Variants in IL1RAPL2 observed in about 807,000 individuals in gnomAD.
IL1RAPL2 encodes X-linked interleukin-1 receptor accessory protein-like 2.
A neutral mutation model predicts 44.1 loss-of-function variants in IL1RAPL2; 3 were observed. The observed-to-expected ratio is 0.07, with a 90% CI of 0.03 to 0.18. IL1RAPL2 has a LOEUF of 0.18. Ranked by LOEUF, IL1RAPL2 falls within the 10% of genes least tolerant of loss-of-function variation. The probability of loss-of-function intolerance (pLI) is 1.00; values close to 1 mark genes in which losing one functional copy is unlikely to be tolerated. For synonymous variants in IL1RAPL2, 181 were observed against 178.8 expected (o/e 1.01, Z -0.10); for missense variants, 391 against 496.4 (o/e 0.79, Z 2.02).
chrX:105,653,878 A>G (rs190366128), intron 6 of IL1RAPL2, among the ~76,000 whole-genome samples: 94 of 111,247 alleles, frequency 8.4e-4, no homozygotes, highest in African/African-American at 2.9e-3. Context: ...GCTGAGTATC[A>G]GTCTTCTTTA....
chrX:104,611,690 A>G (rs1221852976), intron 1 of IL1RAPL2, among the ~76,000 whole-genome samples: 1 of 109,596 alleles, frequency 9.1e-6, no homozygotes, highest in African/African-American at 3.3e-5. Context: ...ACAAAAAATT[A>G]GCCAGGCATG....
chrX:104,775,034 G>A (rs1932695987), intron 2 of IL1RAPL2, among the ~76,000 whole-genome samples: 1 of 112,266 alleles, frequency 8.9e-6, no homozygotes, highest in African/African-American at 3.2e-5. Context: ...CTTTTAATGT[G>A]CACCGAGTGT....
intron 2 of IL1RAPL2, among the ~76,000 whole-genome samples, chrX:105,188,519 A>T (rs1458632333): frequency 9.0e-6 from 1 of 111,508 alleles, no homozygotes; most frequent in Admixed American, 9.6e-5. Context: ...TAAAGATGAA[A>T]AGAGTGATCT....
intron 2 of IL1RAPL2, among the ~76,000 whole-genome samples, chrX:105,160,952 C>G (rs2033318286): frequency 8.9e-6 from 1 of 111,801 alleles, no homozygotes; most frequent in Non-Finnish European, 1.9e-5. Flanking sequence ...TTGAATTGTG[C>G]ATGGTGGCAG....
intron 1 of IL1RAPL2, among the ~76,000 whole-genome samples, chrX:104,605,502 A>C: frequency 9.0e-6 from 1 of 111,358 alleles, no homozygotes; most frequent in African/African-American, 3.3e-5. Flanking sequence ...GACATGAAAA[A>C]CCCTTCAAAA....
intron 6 of IL1RAPL2, among the ~76,000 whole-genome samples, chrX:105,620,439 C>T (rs2037411353): frequency 9.0e-6 from 1 of 110,571 alleles, no homozygotes; most frequent in Non-Finnish European, 1.9e-5. Context: ...AATGGATCAC[C>T]TAGTAGGTCC....
rs1055894458 is a variant in IL1RAPL2, at chrX:104,628,883, C to T, written c.-19-30012C>T. On this transcript the variant is annotated intron_variant, in intron 1 of 10. Coordinates refer to ENST00000372582, the MANE Select transcript of IL1RAPL2 (RefSeq NM_017416.2). ...ATACAAGGATAGCCAATGCAGTATGCGTTGTGATGGTGAAAATCTGGTAAC... is the reference window on the plus strand; with the variant it reads ...ATACAAGGATAGCCAATGCAGTATGTGTTGTGATGGTGAAAATCTGGTAAC... Among the ~76,000 whole-genome samples the T allele has an allele frequency of 7.1e-5, 8 of 111,892 alleles. 1 individual carries two copies. The highest frequency in any genetic ancestry group is 7.4e-4 in the South Asian group (2 of 2,721).
At position 104,680,659 on chromosome X, in the gene IL1RAPL2, A is replaced by G. The variant is rs544700287; in HGVS notation, c.82+21664A>G. On this transcript the variant is annotated intron_variant, in intron 2 of 10. Coordinates refer to ENST00000372582, the MANE Select transcript of IL1RAPL2 (RefSeq NM_017416.2). ...CACTAAAATTTCTATAAAATGAATCATTGGATAGTTCTACTTTCAGGAGGC... is the reference window on the plus strand; with the variant it reads ...CACTAAAATTTCTATAAAATGAATCGTTGGATAGTTCTACTTTCAGGAGGC... Among the ~76,000 whole-genome samples the G allele has an allele frequency of 8.9e-5, 10 of 111,737 alleles. 1 individual carries two copies. The highest frequency in any genetic ancestry group is 3.2e-4 in the African/African-American group (10 of 30,830).
chrX:105,556,304 A>T (rs1275293213), intron 6 of IL1RAPL2, among the ~76,000 whole-genome samples: 1 of 111,754 alleles, frequency 8.9e-6, no homozygotes, highest in Non-Finnish European at 1.9e-5. Flanking sequence ...TTATTTACCC[A>T]CAACTACTTG....
intron 6 of IL1RAPL2, among the ~76,000 whole-genome samples, chrX:105,514,913 GT>G (rs962259608): frequency 1.9e-4 from 21 of 111,629 alleles, no homozygotes; most frequent in African/African-American, 6.9e-4. Context: ...TTGAATCAGG[GT>G]TGAAAAGGGG....
At chrX:105,513,430 G>C (rs1602445383) in intron 6 of IL1RAPL2, among the ~76,000 whole-genome samples, 1 of 111,539 alleles carries the variant, frequency 9.0e-6, no homozygotes, top group African/African-American at 3.3e-5. Flanking sequence ...TCTAGCATCT[G>C]TTGTTTCCTG....
intron 2 of IL1RAPL2, among the ~76,000 whole-genome samples, chrX:104,790,951 C>A (rs768903095): frequency 8.9e-6 from 1 of 111,810 alleles, no homozygotes; most frequent in Non-Finnish European, 1.9e-5. Flanking sequence ...ATAATGACCA[C>A]GTGCCAGTCA....
At chrX:105,026,409 TTA>T (rs2031372979) in intron 2 of IL1RAPL2, among the ~76,000 whole-genome samples, 1 of 110,614 alleles carries the variant, frequency 9.0e-6, no homozygotes, top group Non-Finnish European at 1.9e-5. Flanking sequence ...AGAAGTAAAA[TTA>T]TACTGCTTTG....
At chrX:105,083,426 A>C (rs1251873231) in intron 2 of IL1RAPL2, among the ~76,000 whole-genome samples, 1 of 111,800 alleles carries the variant, frequency 8.9e-6, no homozygotes, top group African/African-American at 3.3e-5. Context: ...AGACAGGCCA[A>C]CATTCAAATT....
intron 1 of IL1RAPL2, among the ~76,000 whole-genome samples, chrX:104,613,285 A>G (rs1929202259): frequency 9.0e-6 from 1 of 111,413 alleles, no homozygotes; most frequent in Admixed American, 9.6e-5. Flanking sequence ...TTTCAGTATA[A>G]TGTTGGCTGT....
intron 2 of IL1RAPL2, among the ~76,000 whole-genome samples, chrX:104,810,428 A>G (rs1013550951): frequency 9.0e-6 from 1 of 111,387 alleles, no homozygotes; most frequent in African/African-American, 3.3e-5. Flanking sequence ...AATAAAAGAA[A>G]AGAAAAGAAA....
chrX:105,603,638 C>T (rs1468707995), intron 6 of IL1RAPL2, among the ~76,000 whole-genome samples: 1 of 111,381 alleles, frequency 9.0e-6, no homozygotes, highest in Non-Finnish European at 1.9e-5. Flanking sequence ...GATAGAAAAT[C>T]AACAAAGAGA....
Position 104,863,167 on chromosome X carries a change from G to C in IL1RAPL2, c.82+204172G>C, listed in dbSNP as rs1471394733. Among the ~76,000 whole-genome samples the C allele has an allele frequency of 2.7e-5, 3 of 111,553 alleles. No homozygotes were observed. The Admixed American group carries it at 2.9e-4, about 11-fold the overall frequency. On this transcript the variant is annotated intron_variant, in intron 2 of 10. Coordinates refer to ENST00000372582, the MANE Select transcript of IL1RAPL2 (RefSeq NM_017416.2). The stretch of plus-strand genomic sequence containing the variant: ...TATTAATTTTCTGTACCCCAGACTG[G>C]AACTTGGAACAGCCCAGTCAAGAAA...
chrX:104,769,071 A>T (rs1391658876), intron 2 of IL1RAPL2, among the ~76,000 whole-genome samples: 1 of 111,537 alleles, frequency 9.0e-6, no homozygotes, highest in Non-Finnish European at 1.9e-5. Flanking sequence ...TTATTCATCC[A>T]TAAAATGAGC....
Sources: gnomAD v4.1 joint callset for allele counts (sites outside exome capture counted in the v4.1 genomes callset) on GRCh38, gnomAD v4.1.1 for gene constraint, MANE v1.5 for transcripts, NCBI Gene and HGNC (gene_info 2026-07-23, HGNC 2026-07-21) for gene names.